ANKS1B: variants seen among roughly 807,000 people sequenced by gnomAD.
ANKS1B encodes the protein ankyrin repeat and sterile alpha motif domain containing 1B.
ANKS1B carries 36 observed loss-of-function variants against 148.3 expected under a neutral mutation model. The observed-to-expected ratio is 0.24, with a 90% CI of 0.19 to 0.32. ANKS1B has a LOEUF of 0.32. ANKS1B is among the 10% of genes least tolerant of loss of function. The probability of loss-of-function intolerance (pLI) is 1.00; values close to 1 mark genes in which losing one functional copy is unlikely to be tolerated. For synonymous variants in ANKS1B, 542 were observed against 560.8 expected, an observed-to-expected ratio of 0.97 and a Z score of 0.47; for missense variants, 1,157 against 1,542.6, an observed-to-expected ratio of 0.75 and a Z score of 4.19.
intron 17 of ANKS1B, among the ~76,000 whole-genome samples, chr12:99,031,659 C>T (rs372841111): frequency 6.6e-6 from 1 of 152,274 alleles, no homozygotes; most frequent in East Asian, 1.9e-4. Context: ...CAGAAGCTGC[C>T]ATAGCCACTC....
rs548248253 is a variant in ANKS1B, at chr12:99,745,742, T to C, written c.1128+27180A>G. Among the ~76,000 whole-genome samples, 3 of 152,200 alleles carry C rather than the reference T, an allele frequency of 2.0e-5. No homozygotes were observed. In the East Asian group the frequency reaches 5.8e-4, roughly 29 times the overall value. Reference sequence around the variant, plus strand: ...TGTCATTTTATTATTTTTAAAAATCTAATTGATTTAAATTAAATGCCATGT... The same window carrying C: ...TGTCATTTTATTATTTTTAAAAATCCAATTGATTTAAATTAAATGCCATGT... On this transcript the variant is annotated intron_variant, in intron 8 of 26. Transcript: ENST00000683438.
At chr12:99,617,976 T>C (rs1032052406) in intron 9 of ANKS1B, among the ~76,000 whole-genome samples, 1 of 152,132 alleles carries the variant, frequency 6.6e-6, no homozygotes, top group Non-Finnish European at 1.5e-5. Context: ...GTCAGAACTC[T>C]TTACCTAGAT....
At chr12:99,823,971 T>C (rs1345229394) in intron 2 of ANKS1B, among the ~76,000 whole-genome samples, 2 of 152,250 alleles carry the variant, frequency 1.3e-5, no homozygotes, top group African/African-American at 4.8e-5. Flanking sequence ...ACCAGTACCA[T>C]GCTGTTTTAG....
chr12:99,163,954 C>T (rs944771116), intron 14 of ANKS1B, among the ~76,000 whole-genome samples: 1 of 152,062 alleles, frequency 6.6e-6, no homozygotes, highest in Non-Finnish European at 1.5e-5. Flanking sequence ...TTGGTGTTGT[C>T]AATTTTTTTA....
At chr12:99,846,754 T>C (rs528702697) in intron 1 of ANKS1B, among the ~76,000 whole-genome samples, 2 of 152,274 alleles carry the variant, frequency 1.3e-5, no homozygotes, top group Admixed American at 6.5e-5. Flanking sequence ...TATACTGGAA[T>C]ATGATTCATC....
chr12:98,803,624 A>G (rs1186484468), intron 20 of ANKS1B, among the ~76,000 whole-genome samples: 2 of 152,182 alleles, frequency 1.3e-5, no homozygotes. Context: ...ACCTTGGCCA[A>G]GCTCAACAGG....
intron 12 of ANKS1B, among the ~76,000 whole-genome samples, chr12:99,340,154 AG>A (rs1008900057): frequency 1.3e-5 from 2 of 152,106 alleles, no homozygotes; most frequent in Non-Finnish European, 2.9e-5. Flanking sequence ...GAACTGAAAA[AG>A]GTTCATTAGC....
chr12:98,769,852 T>C (rs2098544382), intron 25 of ANKS1B, among the ~76,000 whole-genome samples: 1 of 152,244 alleles, frequency 6.6e-6, no homozygotes, highest in Non-Finnish European at 1.5e-5. Flanking sequence ...ATATTCATGT[T>C]GATGTTCAAT....
intron 17 of ANKS1B, among the ~76,000 whole-genome samples, chr12:98,953,407 C>A (rs531001722): frequency 5.3e-5 from 8 of 152,054 alleles, no homozygotes; most frequent in Non-Finnish European, 1.2e-4. Flanking sequence ...CCTGTCTTGG[C>A]CTCCCAAAAT....
At chr12:99,403,202 G>A (rs2094453668) in intron 11 of ANKS1B, among the ~76,000 whole-genome samples, 2 of 124,350 alleles carry the variant, frequency 1.6e-5, no homozygotes, top group Admixed American at 8.4e-5. Flanking sequence ...TATCACCCAG[G>A]CTGGAGTGCA....
At chr12:99,207,989 T>C (rs1947015003) in intron 14 of ANKS1B, among the ~76,000 whole-genome samples, 1 of 152,142 alleles carries the variant, frequency 6.6e-6, no homozygotes, top group Non-Finnish European at 1.5e-5. Flanking sequence ...TGAGTATTAA[T>C]ATCAAAAGTA....
chr12:99,536,478 C>T lies in ANKS1B; in HGVS notation c.1273-31837G>A, dbSNP rs151146158. On this transcript the variant is annotated intron_variant, in intron 9 of 26. Transcript: ENST00000683438. Reference sequence around the variant, plus strand: ...CTATATGTTCTTAGCTCCTTTCATGCTTTTATGTGTTTGTATACCTTTTGT... The same window carrying T: ...CTATATGTTCTTAGCTCCTTTCATGTTTTTATGTGTTTGTATACCTTTTGT... Among the ~76,000 whole-genome samples, 19 of 152,076 alleles carry T rather than the reference C, an allele frequency of 1.2e-4. No homozygotes were observed. The East Asian group carries it at 1.9e-3, about 15-fold the overall frequency.
intron 14 of ANKS1B, chr12:99,154,936 T>C: frequency 9.8e-6 from 15 of 1,535,446 alleles, no homozygotes; most frequent in Non-Finnish European, 1.3e-5. Context: ...GTCTGCAAGC[T>C]GTAAGCCTGC....
chr12:99,312,460 T>C (rs2083313349), intron 12 of ANKS1B, among the ~76,000 whole-genome samples: 2 of 152,114 alleles, frequency 1.3e-5, no homozygotes, highest in Admixed American at 6.6e-5. Context: ...AGAAGATCAG[T>C]GTGTTCTTTA....
At chr12:99,863,457 C>A (rs147160045) in intron 1 of ANKS1B, among the ~76,000 whole-genome samples, 1 of 152,064 alleles carries the variant, frequency 6.6e-6, no homozygotes, top group African/African-American at 2.4e-5. Flanking sequence ...GGCCCACACC[C>A]GTAATCCCAG....
chr12:98,997,881 T>A (rs2099930651), intron 17 of ANKS1B, among the ~76,000 whole-genome samples: 1 of 152,222 alleles, frequency 6.6e-6, no homozygotes, highest in African/African-American at 2.4e-5. Context: ...TTAAAATGGT[T>A]CATTTCAAGG....
intron 19 of ANKS1B, among the ~76,000 whole-genome samples, chr12:98,808,848 A>C (rs927939039): frequency 1.3e-5 from 2 of 152,198 alleles, no homozygotes; most frequent in African/African-American, 4.8e-5. Context: ...CTTATTCAGC[A>C]AGCTCTGTGA....
intron 1 of ANKS1B, among the ~76,000 whole-genome samples, chr12:99,850,764 T>G (rs957837088): frequency 1.1e-4 from 17 of 152,232 alleles, no homozygotes; most frequent in African/African-American, 4.1e-4. Context: ...AGTGATAGTA[T>G]TTTGCTTTTG....
In ANKS1B at chr12:99,906,039, G is replaced by C. The variant is rs2093767401; in HGVS notation, c.134+78065C>G. Among the ~76,000 whole-genome samples, 3 of 152,154 alleles carry C rather than the reference G, an allele frequency of 2.0e-5. No homozygotes were observed. The South Asian group carries it at 6.2e-4, about 32-fold the overall frequency. ...TTGGTTTCAGGGATATGTTAAACATGAAAGATCTAAACCAGCGGTTTCAAA... is the reference window on the plus strand; with the variant it reads ...TTGGTTTCAGGGATATGTTAAACATCAAAGATCTAAACCAGCGGTTTCAAA... On this transcript the variant is annotated intron_variant, in intron 1 of 26. Coordinates refer to ENST00000683438, the MANE Select transcript of ANKS1B (RefSeq NM_001352186.2).
Sources: allele counts gnomAD v4.1 joint callset (sites outside exome capture counted in the v4.1 genomes callset), GRCh38; gene constraint gnomAD v4.1.1; transcripts MANE v1.5; gene names NCBI Gene and HGNC (gene_info 2026-07-23, HGNC 2026-07-21).